MSLN: variants seen among roughly 807,000 people sequenced by gnomAD.
MSLN encodes CAK1 antigen.
A neutral mutation model predicts 72.6 loss-of-function variants in MSLN; 82 were observed. That is an observed-to-expected ratio of 1.13 (90% CI 0.94 to 1.36). MSLN has a LOEUF of 1.36. MSLN is among the 40% of genes most tolerant of loss of function. The pLI is 0.00. For synonymous variants in MSLN, 456 were observed against 387.3 expected, an observed-to-expected ratio of 1.18 and a Z score of -2.08; for missense variants, 1,005 against 847.9, an observed-to-expected ratio of 1.19 and a Z score of -2.30.
Position 764,063 on chromosome 16 carries a change from G to C in MSLN, c.220G>C (p.Val74Leu). Residue 74 changes from valine (V) to leucine (L), a missense_variant, in exon 6 of 18, where the codon GTG becomes CTG. By Grantham distance (32) the Val-to-Leu change is conservative (BLOSUM62 1). Coordinates refer to ENST00000545450, the MANE Select transcript of MSLN (RefSeq NM_005823.6). ...ACTCCTTGGCTTCCCGTGTGCGGAG[G>C]TGTCCGGCCTGAGCACGGAGCGTGT... The part of the protein sequence containing the change: ...RQLLGFPCAE[V>L]SGLSTERVRE... 1 of 1,605,552 alleles carries C rather than the reference G, an allele frequency of 6.2e-7. No homozygotes were observed. Among genetic ancestry groups the C allele is most frequent in the Non-Finnish European group, 8.5e-7 (1 of 1,179,798 alleles).
chr16:764,841 G>C, intron 7 of MSLN, 66 bp from the exon 8 acceptor site: 1 of 1,594,324 alleles, frequency 6.3e-7, no homozygotes, highest in African/African-American at 1.3e-5. Context: ...AGGCCGGCCG[G>C]GCTGCCTCTC....
In MSLN at chr16:765,291, G is replaced by A; in HGVS notation, c.692G>A (p.Gly231Glu). 1 of 1,578,000 alleles carries A rather than the reference G, an allele frequency of 6.3e-7. No individual in the cohort carries two copies. The highest frequency in any genetic ancestry group is 8.6e-7 in the Non-Finnish European group (1 of 1,168,586). ...GCCAGGGCGGCTCTGCAGGGCGGGGGACCCCCCTACGGGTAAGTGAAGGTG... is the reference window on the plus strand; with the variant it reads ...GCCAGGGCGGCTCTGCAGGGCGGGGAACCCCCCTACGGGTAAGTGAAGGTG... ...EAARAALQGG[G>E]PPYGPPSTWS... is the part of the protein sequence containing the mutation. Residue 231 changes from glycine (G) to glutamate (E), a missense_variant, in exon 9 of 18, where the codon GGA becomes GAA. Gly to Glu is a moderately conservative substitution (Grantham distance 98). Coordinates refer to ENST00000545450, the MANE Select transcript of MSLN (RefSeq NM_005823.6).
At chr16:764,215 C>A (rs1053682837) in intron 6 of MSLN, 72 bp downstream of exon 6, 13 of 1,536,092 alleles carry the variant, frequency 8.5e-6, no homozygotes, top group Non-Finnish European at 9.6e-6. Context: ...TCTGCAGTGC[C>A]CACCTTGCCA....
chr16:764,614 A>G, intron 6 of MSLN, 33 bp from the exon 7 acceptor site: 3 of 1,598,250 alleles, frequency 1.9e-6, no homozygotes, highest in Non-Finnish European at 2.6e-6. Context: ...TGGCGGCTCG[A>G]AACGCTCTGT....
At chr16:762,795 T>G (rs2041552966) in intron 3 of MSLN, 30 bp downstream of exon 3, 1 of 1,533,426 alleles carries the variant, frequency 6.5e-7, no homozygotes, top group African/African-American at 1.4e-5. Flanking sequence ...GCTGGTGAGG[T>G]GGGGACGGCC....
Position 765,752 on chromosome 16 carries a change from G to C in MSLN, c.857G>C (p.Arg286Pro), listed in dbSNP as rs781390078. 1 of 1,600,594 alleles carries C rather than the reference G, an allele frequency of 6.2e-7. No homozygotes were observed. The highest frequency in any genetic ancestry group is 2.2e-5 in the East Asian group (1 of 44,870). The change falls in exon 11 of 18, where the codon CGG becomes CCG. Residue 286 changes from arginine to proline, a missense_variant. Arg to Pro is a moderately radical substitution (Grantham distance 103). Coordinates refer to ENST00000545450, the MANE Select transcript of MSLN (RefSeq NM_005823.6). Reference protein sequence around the residue: ...SRDPSWRQPERTILRPRFRRE... With the variant: ...SRDPSWRQPEPTILRPRFRRE... ...GACCCATCCTGGCGGCAGCCTGAAC[G>C]GACCATCCTCCGGCCGCGGTTCCGG...
intron 2 of MSLN, among the ~76,000 whole-genome samples, chr16:762,002 C>T (rs534650531): frequency 2.2e-4 from 34 of 152,332 alleles, no homozygotes; most frequent in African/African-American, 7.9e-4. Context: ...TCTCCCCACC[C>T]ACTTCCCCAC....
At position 765,289 on chromosome 16, in the gene MSLN, G is replaced by A; in HGVS notation, c.690G>A (p.Gly230=). Reference sequence around the variant, plus strand: ...CAGCCAGGGCGGCTCTGCAGGGCGGGGGACCCCCCTACGGGTAAGTGAAGG... The same window carrying A: ...CAGCCAGGGCGGCTCTGCAGGGCGGAGGACCCCCCTACGGGTAAGTGAAGG... ...QEAARAALQG[G]GPPYGPPSTW... Residue 230 remains glycine, a synonymous_variant, in exon 9 of 18, where the codon GGG becomes GGA. Coordinates refer to ENST00000545450, the MANE Select transcript of MSLN (RefSeq NM_005823.6). 6.3e-7 allele frequency: 1 copy of A among 1,579,034 alleles called. No homozygotes were observed. Among genetic ancestry groups the A allele is most frequent in the Non-Finnish European group, 8.6e-7 (1 of 1,169,192 alleles).
rs761006039 is a variant in MSLN at position 768,756 on chromosome 16, C to T, written c.*23C>T. On this transcript the variant is annotated 3_prime_UTR_variant, in exon 18 of 18. Coordinates refer to ENST00000545450, the MANE Select transcript of MSLN (RefSeq NM_005823.6). Reference sequence around the variant, plus strand: ...TGAGGGCCCCACTCCCTTGCTGGCCCCAGCCCTGCTGGGGATCCCCGCCTG... The same window carrying T: ...TGAGGGCCCCACTCCCTTGCTGGCCTCAGCCCTGCTGGGGATCCCCGCCTG... 4.4e-6 allele frequency: 7 copies of T among 1,607,452 alleles called. No individual in the cohort carries two copies. The highest frequency in any genetic ancestry group is 2.2e-5 in the East Asian group (1 of 44,870).
chr16:767,163 C>G, intron 15 of MSLN, 151 bp downstream of exon 15: 1 of 1,354,110 alleles, frequency 7.4e-7, no homozygotes, highest in Non-Finnish European at 1.0e-6. Context: ...TGTGTATGGC[C>G]TTAGGGGCTG....
At position 765,165 on chromosome 16, in the gene MSLN, C is replaced by T. The variant is rs767913518; in HGVS notation, c.566C>T (p.Ala189Val). 15 of 1,602,054 alleles carry T rather than the reference C, an allele frequency of 9.4e-6. No homozygotes were observed. In the Admixed American group the frequency reaches 1.2e-4, roughly 13 times the overall value. Residue 189 changes from alanine (A) to valine (V), a missense_variant, in exon 9 of 18, where the codon GCT becomes GTT. Physicochemically the swap from Ala to Val is moderately conservative, Grantham distance 64 (BLOSUM62 0). Coordinates refer to ENST00000545450, the MANE Select transcript of MSLN (RefSeq NM_005823.6). Reference sequence around the variant, plus strand: ...GATGTGCGGGCTCTGGGAGGCCTGGCTTGCGACCTGCCTGGGCGCTTTGTG... The same window carrying T: ...GATGTGCGGGCTCTGGGAGGCCTGGTTTGCGACCTGCCTGGGCGCTTTGTG... Reference protein sequence around the residue: ...EADVRALGGLACDLPGRFVAE... With the variant: ...EADVRALGGLVCDLPGRFVAE...
chr16:767,195 G>A (rs905561785), intron 15 of MSLN, among the ~76,000 whole-genome samples, 181 bp from the exon 16 acceptor site: 1 of 152,036 alleles, frequency 6.6e-6, no homozygotes, highest in Non-Finnish European at 1.5e-5. Context: ...CCCAGCTCGG[G>A]GCGCCAGCCA....
chr16:762,295 G>A (rs1286220262), intron 2 of MSLN, among the ~76,000 whole-genome samples: 3 of 152,352 alleles, frequency 2.0e-5, no homozygotes, highest in East Asian at 1.9e-4. Context: ...TCCAGGCGAC[G>A]GGGCTGCTCG....
At chr16:761,554 C>T (rs1022772984) in intron 2 of MSLN, among the ~76,000 whole-genome samples, 8 of 152,312 alleles carry the variant, frequency 5.3e-5, no homozygotes, top group South Asian at 2.1e-4. Flanking sequence ...CCCTGTGATC[C>T]GATGGCCACG....
At chr16:763,999 T>A (rs1385660399) in intron 5 of MSLN, 24 bp from the exon 6 acceptor site, 2 of 1,593,944 alleles carry the variant, frequency 1.3e-6, no homozygotes, top group Non-Finnish European at 1.7e-6. Context: ...CGATCGTGGG[T>A]GCCCAGCCCG....
At chr16:761,557 T>C (rs1472907474) in intron 2 of MSLN, among the ~76,000 whole-genome samples, 2 of 152,300 alleles carry the variant, frequency 1.3e-5, no homozygotes, top group South Asian at 4.1e-4. Flanking sequence ...TGTGATCCGA[T>C]GGCCACGTTT....
intron 2 of MSLN, 135 bp from the exon 3 acceptor site, chr16:762,537 T>G (rs1249569600): frequency 2.9e-5 from 20 of 684,808 alleles, no homozygotes; most frequent in Admixed American, 4.5e-5. Context: ...AGGGCCAGGG[T>G]GCGGACACAA....
chr16:766,953 G>C lies in MSLN; in HGVS notation c.1442G>C (p.Arg481Pro). 6.2e-7 allele frequency: 1 copy of C among 1,612,648 alleles called. No individual in the cohort carries two copies. The highest frequency in any genetic ancestry group is 1.1e-5 in the South Asian group (1 of 91,088). ...CTGGACGTCCTCTATCCCAAGGCCC[G>C]CCTTGCTTTCCAGAACATGAACGGG... ...RQLDVLYPKA[R>P]LAFQNMNGSE... The change falls in exon 15 of 18, where the codon CGC becomes CCC. Residue 481 changes from arginine to proline, a missense_variant. Physicochemically the swap from Arg to Pro is moderately radical, Grantham distance 103. Coordinates refer to ENST00000545450, the MANE Select transcript of MSLN (RefSeq NM_005823.6).
Position 766,970 on chromosome 16 carries a change from A to C in MSLN, c.1459A>C (p.Met487Leu). The C allele has an allele frequency of 1.2e-6, 2 of 1,612,632 alleles. No homozygotes were observed. The highest frequency in any genetic ancestry group is 2.2e-5 in the South Asian group (2 of 91,084). The change falls in exon 15 of 18, where the codon ATG (methionine) becomes CTG (leucine). Residue 487 changes from methionine to leucine, a missense_variant. Transcript: ENST00000545450. ...YPKARLAFQN[M>L]NGSEYFVKIQ... ...CAAGGCCCGCCTTGCTTTCCAGAACATGAACGGGTCCGAATACTTCGTGAA... is the reference window on the plus strand; with the variant it reads ...CAAGGCCCGCCTTGCTTTCCAGAACCTGAACGGGTCCGAATACTTCGTGAA...
Sources: gnomAD v4.1 joint callset for allele counts (sites outside exome capture counted in the v4.1 genomes callset) on GRCh38, gnomAD v4.1.1 for gene constraint, MANE v1.5 for transcripts, NCBI Gene and HGNC (gene_info 2026-07-23, HGNC 2026-07-21) for gene names.